The following FCER1A variants were observed in gnomAD, a reference collection of about 807,000 sequenced individuals.
FCER1A encodes Fc epsilon receptor Ia, also known as high affinity immunoglobulin epsilon receptor subunit alpha.
In FCER1A, 24 loss-of-function variants were observed where a neutral mutation model predicts 23.6. The ratio of observed to expected loss-of-function variants is 1.02; its 90% CI spans 0.74 to 1.43. The LOEUF (loss-of-function observed/expected upper bound fraction) is 1.43, where lower values mean the gene tolerates loss of function less well. Among genes scored for constraint, FCER1A ranks in the 40% most tolerant of loss-of-function variants. The pLI is 0.00. For missense variants in FCER1A, 318 were observed against 294.5 expected (o/e 1.08, Z -0.58); for synonymous variants, 121 against 108.8 (o/e 1.11, Z -0.70).
chr1:159,299,899 TG>T (rs1652387959), upstream of FCER1A, among the ~76,000 whole-genome samples: 1 of 151,444 alleles, frequency 6.6e-6, no homozygotes, highest in Admixed American at 6.6e-5. Flanking sequence ...TCTGTTCTTT[TG>T]GGTACCTGTA....
chr1:159,286,482 G>A (rs557484573), upstream of FCER1A, among the ~76,000 whole-genome samples: 587 of 151,848 alleles, frequency 3.9e-3, 1 homozygote, highest in Middle Eastern at 0.017. Context: ...ACAGGCGCCC[G>A]CCACCACGCC....
At chr1:159,302,987 C>G (rs1652483678) in intron 2 of FCER1A, 113 bp downstream of exon 2, 1 of 1,002,274 alleles carries the variant, frequency 1.0e-6, no homozygotes, top group Admixed American at 1.7e-5. Flanking sequence ...GAATCTGTTC[C>G]TTGGCCAGAC....
At position 159,305,020 on chromosome 1, in the gene FCER1A, T is replaced by G. The variant is rs1021849011; in HGVS notation, c.331+838T>G. ...ACTGCCAACAAATAGCATAGCATGC[T>G]TAGGCACATGTGGCTTAATTAGCAA... On this transcript the variant is annotated intron_variant, in intron 3 of 4. Coordinates refer to ENST00000693622, the MANE Select transcript of FCER1A (RefSeq NM_001387280.1). 3.3e-5 allele frequency among the ~76,000 whole-genome samples: 5 copies of G among 152,354 alleles called. No individual in the cohort carries two copies. The East Asian group carries it at 9.6e-4, about 29-fold the overall frequency.
chr1:159,302,741 G>A (rs1442176233), intron 1 of FCER1A, 113 bp from the exon 2 acceptor site: 8 of 936,826 alleles, frequency 8.5e-6, no homozygotes, highest in African/African-American at 4.9e-5. Context: ...CTGAAAAGAC[G>A]GTTGGTCCTT....
intron 4 of FCER1A, 144 bp downstream of exon 4, chr1:159,306,389 G>T: frequency 1.4e-6 from 1 of 690,450 alleles, no homozygotes; most frequent in South Asian, 1.9e-5. Flanking sequence ...AGACCTGGGT[G>T]ATAGTATATA....
chr1:159,294,048 C>T (rs1161359928), intron 1 of FCER1A, among the ~76,000 whole-genome samples: 3 of 151,672 alleles, frequency 2.0e-5, no homozygotes, highest in Admixed American at 2.0e-4. Context: ...AGAATGGCAA[C>T]CATTAAAAAG....
In FCER1A at chr1:159,307,946, G is replaced by T. The variant is rs1327589835; in HGVS notation, c.*14G>T. The stretch of plus-strand genomic sequence containing the variant: ...AAAAACAACTGATATAATTACTCAA[G>T]AAATATTTGCAACATTAGTTTTTTT... On this transcript the variant is annotated 3_prime_UTR_variant, in exon 5 of 5. Coordinates refer to ENST00000693622, the MANE Select transcript of FCER1A (RefSeq NM_001387280.1). 6.4e-7 allele frequency: 1 copy of T among 1,567,218 alleles called. No homozygotes were observed. Among genetic ancestry groups the T allele is most frequent in the Admixed American group, 1.8e-5 (1 of 56,742 alleles).
intron 3 of FCER1A, among the ~76,000 whole-genome samples, chr1:159,305,581 C>G (rs1396440606): frequency 1.3e-5 from 2 of 152,100 alleles, no homozygotes. Flanking sequence ...ATAATTAACA[C>G]TAGAACTGGG....
At chr1:159,305,917 C>A in intron 3 of FCER1A, 71 bp from the exon 4 acceptor site, 1 of 1,359,676 alleles carries the variant, frequency 7.4e-7, no homozygotes, top group South Asian at 1.3e-5. Flanking sequence ...CTATGCGTGG[C>A]TCTCTTTTCT....
chr1:159,293,156 T>C (rs991604818), intron 1 of FCER1A, among the ~76,000 whole-genome samples: 2 of 146,312 alleles, frequency 1.4e-5, no homozygotes, highest in African/African-American at 5.2e-5. Context: ...GGGGAATATA[T>C]ATACATACAC....
chr1:159,290,441 G>A (rs1443749512), intron 1 of FCER1A, among the ~76,000 whole-genome samples: 2 of 152,104 alleles, frequency 1.3e-5, no homozygotes, highest in Non-Finnish European at 2.9e-5. Flanking sequence ...TTCTCCATCA[G>A]TATCTTGCCT....
chr1:159,287,666 A>G (rs569334248), upstream of FCER1A, among the ~76,000 whole-genome samples: 1 of 148,724 alleles, frequency 6.7e-6, no homozygotes, highest in South Asian at 2.1e-4. Context: ...GTCTATATAC[A>G]CATTGTTATA....
chr1:159,293,063 T>C (rs1282247498), intron 1 of FCER1A, among the ~76,000 whole-genome samples: 1 of 152,084 alleles, frequency 6.6e-6, no homozygotes. Flanking sequence ...ATTTTCTTTA[T>C]AAATTTCAGT....
chr1:159,287,942 C>G (rs867910953), upstream of FCER1A, among the ~76,000 whole-genome samples: 4 of 151,934 alleles, frequency 2.6e-5, no homozygotes, highest in South Asian at 2.1e-4. Flanking sequence ...CTCTGCTGTG[C>G]TGAGTATCAG....
chr1:159,297,139 C>T (rs139984702), intron 1 of FCER1A, among the ~76,000 whole-genome samples: 224 of 152,276 alleles, frequency 1.5e-3, no homozygotes, highest in African/African-American at 4.4e-3. Flanking sequence ...ACACTACATT[C>T]GGCTTGAGGG....
At chr1:159,292,586 A>C (rs951425699) in intron 1 of FCER1A, among the ~76,000 whole-genome samples, 1 of 152,130 alleles carries the variant, frequency 6.6e-6, no homozygotes, top group African/African-American at 2.4e-5. Flanking sequence ...ATATCTGCTC[A>C]AAAAACCTAC....
chr1:159,306,591 A>G (rs1460865368), intron 4 of FCER1A, among the ~76,000 whole-genome samples: 2 of 152,194 alleles, frequency 1.3e-5, no homozygotes, highest in Non-Finnish European at 2.9e-5. Context: ...CTGGGGGAAC[A>G]CTTATATTTA....
chr1:159,288,357 G>A (rs1399902321), upstream of FCER1A, among the ~76,000 whole-genome samples: 1 of 151,936 alleles, frequency 6.6e-6, no homozygotes, highest in African/African-American at 2.4e-5. Flanking sequence ...AAATTCATCG[G>A]ACTATTCTTG....
intron 1 of FCER1A, among the ~76,000 whole-genome samples, chr1:159,292,316 C>A (rs972806042): frequency 6.6e-6 from 1 of 152,112 alleles, no homozygotes; most frequent in Non-Finnish European, 1.5e-5. Flanking sequence ...CACTTCCCAA[C>A]CGGAACACTT....
Sources: allele counts gnomAD v4.1 joint callset (sites outside exome capture counted in the v4.1 genomes callset), GRCh38; gene constraint gnomAD v4.1.1; transcripts MANE v1.5; gene names NCBI Gene and HGNC (gene_info 2026-07-23, HGNC 2026-07-21).